The following ATG5 variants were observed in gnomAD, a reference collection of about 807,000 sequenced individuals.
The protein encoded by ATG5 is autophagy related 5.
Under a neutral mutation model 36.5 loss-of-function variants are expected in ATG5, and 14 were observed. That is an observed-to-expected ratio of 0.38 (90% CI 0.25 to 0.60). The LOEUF (loss-of-function observed/expected upper bound fraction) is 0.60, where lower values mean the gene tolerates loss of function less well. Among genes scored for constraint, ATG5 ranks in the 20% least tolerant of loss-of-function variants. The probability of loss-of-function intolerance (pLI) is 0.60; values close to 1 mark genes in which losing one functional copy is unlikely to be tolerated. For missense variants in ATG5, 195 were observed against 326.7 expected (o/e 0.60, Z 3.11); for synonymous variants, 95 against 101.5 (o/e 0.94, Z 0.38).
At chr6:106,261,637 A>C (rs1334936624) in intron 5 of ATG5, among the ~76,000 whole-genome samples, 1 of 152,224 alleles carries the variant, frequency 6.6e-6, no homozygotes, top group East Asian at 1.9e-4. Flanking sequence ...TTTAAATGAG[A>C]AGCAGTTTTA....
intron 4 of ATG5, among the ~76,000 whole-genome samples, chr6:106,291,950 C>T (rs1425543471): frequency 6.6e-6 from 1 of 152,186 alleles, no homozygotes; most frequent in African/African-American, 2.4e-5. Flanking sequence ...AACTCAAATT[C>T]AGTAAAACAG....
intron 3 of ATG5, among the ~76,000 whole-genome samples, chr6:106,300,874 A>C (rs1025047657): frequency 1.3e-5 from 2 of 151,970 alleles, no homozygotes; most frequent in Admixed American, 6.6e-5. Context: ...TCCTTTTACC[A>C]CCTGTCCTGA....
intron 5 of ATG5, among the ~76,000 whole-genome samples, chr6:106,254,359 G>T (rs1769981): frequency 0.086 from 13,024 of 152,138 alleles, 593 homozygotes; most frequent in South Asian, 0.13. Context: ...CAACCAAAAT[G>T]TAAGTCCCAT....
At chr6:106,240,887 T>C (rs1231373448) in intron 6 of ATG5, among the ~76,000 whole-genome samples, 1 of 152,250 alleles carries the variant, frequency 6.6e-6, no homozygotes, top group Non-Finnish European at 1.5e-5. Context: ...GTGCGGTGGC[T>C]CATGCCCGTA....
intron 7 of ATG5, among the ~76,000 whole-genome samples, chr6:106,200,821 A>T (rs1051912371): frequency 1.3e-5 from 2 of 152,100 alleles, no homozygotes; most frequent in Non-Finnish European, 2.9e-5. Flanking sequence ...ATGCCACTGA[A>T]AATTTCCCCT....
intron 6 of ATG5, among the ~76,000 whole-genome samples, chr6:106,211,693 G>C (rs986254969): frequency 6.6e-6 from 1 of 152,218 alleles, no homozygotes; most frequent in African/African-American, 2.4e-5. Flanking sequence ...CTGGGCAACA[G>C]AGTGAGACTG....
intron 7 of ATG5, among the ~76,000 whole-genome samples, chr6:106,199,545 A>G (rs974483386): frequency 4.6e-5 from 7 of 152,252 alleles, no homozygotes; most frequent in African/African-American, 1.7e-4. Flanking sequence ...GGTTGTTTAT[A>G]GCTGGCAGTG....
At chr6:106,208,082 ACT>A (rs1312075288) in intron 6 of ATG5, among the ~76,000 whole-genome samples, 2 of 151,984 alleles carry the variant, frequency 1.3e-5, no homozygotes, top group Non-Finnish European at 2.9e-5. Context: ...ACAGAGCAAG[ACT>A]CTGTCTCAAA....
chr6:106,279,013 C>T lies in ATG5; in HGVS notation c.478+648G>A, dbSNP rs182331152. Among the ~76,000 whole-genome samples the T allele has an allele frequency of 3.5e-4, 54 of 152,252 alleles. No homozygotes were observed. The Middle Eastern group carries it at 0.014, about 38-fold the overall frequency. On this transcript the variant is annotated intron_variant, in intron 5 of 7. Transcript: ENST00000369076. ...CAGTTGGGGACCTGGTGTTACTTAA[C>T]TAAACCATGATAACTGAAATTCATG...
chr6:106,295,512 C>A (rs936756066), intron 3 of ATG5, among the ~76,000 whole-genome samples: 3 of 151,672 alleles, frequency 2.0e-5, no homozygotes, highest in South Asian at 2.1e-4. Context: ...AATTTGTAAG[C>A]AAATTCTAAA....
At chr6:106,254,741 T>G (rs1778735291) in intron 5 of ATG5, among the ~76,000 whole-genome samples, 1 of 152,190 alleles carries the variant, frequency 6.6e-6, no homozygotes, top group Non-Finnish European at 1.5e-5. Flanking sequence ...GGCACTGAGC[T>G]TCTAGATTCT....
intron 6 of ATG5, among the ~76,000 whole-genome samples, chr6:106,228,051 C>T (rs1308966284): frequency 2.6e-5 from 4 of 152,200 alleles, no homozygotes; most frequent in East Asian, 1.9e-4. Context: ...GATTATTTTA[C>T]AGCTTGGGTG....
At chr6:106,211,114 A>G (rs1355184699) in intron 6 of ATG5, among the ~76,000 whole-genome samples, 1 of 152,212 alleles carries the variant, frequency 6.6e-6, no homozygotes. Context: ...TATGGCTAGA[A>G]GGGTATATAT....
At chr6:106,191,331 G>C (rs1775960460) in intron 7 of ATG5, among the ~76,000 whole-genome samples, 1 of 151,996 alleles carries the variant, frequency 6.6e-6, no homozygotes, top group African/African-American at 2.4e-5. Context: ...GTGGGATTGA[G>C]ACCATCTCCT....
chr6:106,229,724 A>C (rs1777601371), intron 6 of ATG5, among the ~76,000 whole-genome samples: 1 of 152,228 alleles, frequency 6.6e-6, no homozygotes, highest in African/African-American at 2.4e-5. Flanking sequence ...GACAACCCAT[A>C]GCCTTCCTAT....
chr6:106,230,609 C>T (rs1777645323), intron 6 of ATG5, among the ~76,000 whole-genome samples: 1 of 152,156 alleles, frequency 6.6e-6, no homozygotes, highest in Admixed American at 6.5e-5. Context: ...AGGACTAATG[C>T]TCATCGGAAA....
chr6:106,303,135 G>A (rs1391335849), intron 3 of ATG5, among the ~76,000 whole-genome samples: 1 of 151,832 alleles, frequency 6.6e-6, no homozygotes. Context: ...AACAAAATTG[G>A]AAATTTTAAA....
chr6:106,285,759 T>C (rs1441067674), intron 4 of ATG5, among the ~76,000 whole-genome samples: 2 of 152,236 alleles, frequency 1.3e-5, no homozygotes, highest in Non-Finnish European at 2.9e-5. Context: ...TTATTTATGG[T>C]CATCACTAAA....
chr6:106,293,893 T>G (rs1780424316), intron 3 of ATG5, among the ~76,000 whole-genome samples: 2 of 151,978 alleles, frequency 1.3e-5, no homozygotes, highest in Non-Finnish European at 2.9e-5. Context: ...ACTTGGTTAA[T>G]CAGAATTAAA....
Sources: allele counts gnomAD v4.1 joint callset (sites outside exome capture counted in the v4.1 genomes callset), GRCh38; gene constraint gnomAD v4.1.1; transcripts MANE v1.5; gene names NCBI Gene and HGNC (gene_info 2026-07-23, HGNC 2026-07-21).